Variants in ANKRD50 observed in about 807,000 individuals in gnomAD.
The protein encoded by ANKRD50 is ankyrin repeat domain-containing protein 50.
A neutral mutation model predicts 112.0 loss-of-function variants in ANKRD50; 40 were observed. The ratio of observed to expected loss-of-function variants is 0.36; its 90% CI spans 0.28 to 0.46. ANKRD50 has a LOEUF of 0.46. Ranked by LOEUF, ANKRD50 falls within the 20% of genes least tolerant of loss-of-function variation. The pLI is 1.00. For missense variants in ANKRD50, 1,487 were observed against 1,701.7 expected, an observed-to-expected ratio of 0.87 and a Z score of 2.22; for synonymous variants, 613 against 619.1, an observed-to-expected ratio of 0.99 and a Z score of 0.15.
Position 124,710,105 on chromosome 4 carries a change from C to T in ANKRD50, c.407G>A (p.Arg136His), listed in dbSNP as rs753753391. 8.1e-6 allele frequency: 13 copies of T among 1,614,008 alleles called. No homozygotes were observed. The highest frequency in any genetic ancestry group is 6.7e-5 in the African/African-American group (5 of 74,892). The change falls in exon 2 of 5, where the codon CGC (arginine) becomes CAC (histidine). Residue 136 changes from arginine to histidine, a missense_variant. This residue lies in a region of ANKRD50 where 1,046 missense variants were observed against 1,269.5 expected (regional missense o/e 0.82). Transcript: ENST00000504087. ...CTCATATCCTTGGAGTAGTCCACTG[C>T]GGCAGATCTGGGCTACTAGACCTCT... ...FIRGLVAQIC[R>H]SGLLQGYEDK...
intron 2 of ANKRD50, among the ~76,000 whole-genome samples, chr4:124,698,748 T>C (rs1249521693): frequency 6.6e-6 from 1 of 152,188 alleles, no homozygotes; most frequent in Non-Finnish European, 1.5e-5. Context: ...GCACAAACCA[T>C]CCAATTGGGA....
chr4:124,699,141 T>G (rs1429101739), intron 2 of ANKRD50, among the ~76,000 whole-genome samples: 5 of 152,024 alleles, frequency 3.3e-5, no homozygotes, highest in Non-Finnish European at 7.4e-5. Flanking sequence ...GGGTCATCTA[T>G]GGAGTGTGTG....
intron 2 of ANKRD50, among the ~76,000 whole-genome samples, chr4:124,681,751 A>AT (rs1724892036): frequency 1.3e-5 from 2 of 152,090 alleles, no homozygotes; most frequent in Non-Finnish European, 2.9e-5. Context: ...AATTGAAGTC[A>AT]TTTTCCATAC....
intron 2 of ANKRD50, among the ~76,000 whole-genome samples, chr4:124,704,396 T>G (rs1419843609): frequency 2.0e-5 from 3 of 152,210 alleles, no homozygotes; most frequent in Non-Finnish European, 4.4e-5. Flanking sequence ...CTTTGTTGAG[T>G]GCCAAAAATC....
chr4:124,664,248 G>A lies in ANKRD50; in HGVS notation c.*3270C>T, dbSNP rs959155581. 1 of 151,898 alleles carries A rather than the reference G, an allele frequency of 6.6e-6. No individual in the cohort carries two copies. The highest frequency in any genetic ancestry group is 1.9e-4 in the East Asian group (1 of 5,150). The allele number at this position is 151,898 out of a possible 1,614,324, so 9.4% of individuals were successfully genotyped here. On this transcript the variant is annotated 3_prime_UTR_variant, in exon 5 of 5. Transcript: ENST00000504087. The stretch of plus-strand genomic sequence containing the variant: ...TGATATAGTATATAATCAGTCACGG[G>A]GGGGAAAAGAACATTAAGTCTTTAA...
chr4:124,698,725 T>G (rs1256260846), intron 2 of ANKRD50, among the ~76,000 whole-genome samples: 1 of 152,192 alleles, frequency 6.6e-6, no homozygotes, highest in Non-Finnish European at 1.5e-5. Context: ...TGAGGTATTG[T>G]AAGAGACTGA....
Position 124,669,966 on chromosome 4 carries a change from C to G in ANKRD50, c.3311G>C (p.Ser1104Thr). The change falls in exon 4 of 5, where the codon AGT becomes ACT. Residue 1104 changes from serine (S) to threonine (T), a missense_variant. This residue lies in a region of ANKRD50 where 441 missense variants were observed against 432.2 expected (regional missense o/e 1.02). Transcript: ENST00000504087. Reference sequence around the variant, plus strand: ...AGGAGATGGGGAACAGCCATTCAAACTAGATGCACCATATTTTTCTAATAA... The same window carrying G: ...AGGAGATGGGGAACAGCCATTCAAAGTAGATGCACCATATTTTTCTAATAA... ...IKLLEKYGAS[S>T]LNGCSPSPVH... 1 of 1,611,590 alleles carries G rather than the reference C, an allele frequency of 6.2e-7. No individual in the cohort carries two copies. The highest frequency in any genetic ancestry group is 1.3e-5 in the African/African-American group (1 of 74,776).
At chr4:124,674,169 T>C (rs1177309832) in intron 3 of ANKRD50, among the ~76,000 whole-genome samples, 1 of 151,954 alleles carries the variant, frequency 6.6e-6, no homozygotes, top group Non-Finnish European at 1.5e-5. Flanking sequence ...ATAAGTTACT[T>C]AAGAAATAAT....
rs1294117309 is a variant in ANKRD50 at position 124,676,329 on chromosome 4, C to T, written c.742+2347G>A. Reference sequence around the variant, plus strand: ...AATATGCTATTACAACCTAGAGGAGCACAGGTAAAAATATATAATTTAAAA... The same window carrying T: ...AATATGCTATTACAACCTAGAGGAGTACAGGTAAAAATATATAATTTAAAA... On this transcript the variant is annotated intron_variant, in intron 3 of 4. Transcript: ENST00000504087. Among the ~76,000 whole-genome samples, 7 of 151,248 alleles carry T rather than the reference C, an allele frequency of 4.6e-5. No individual in the cohort carries two copies. The East Asian group carries it at 1.4e-3, about 29-fold the overall frequency.
Position 124,670,254 on chromosome 4 carries a change from G to A in ANKRD50, c.3023C>T (p.Ala1008Val), listed in dbSNP as rs1372545851. 1 of 1,613,776 alleles carries A rather than the reference G, an allele frequency of 6.2e-7. No individual in the cohort carries two copies. Among genetic ancestry groups the A allele is most frequent in the East Asian group, 2.2e-5 (1 of 44,876 alleles). Residue 1008 changes from alanine (A) to valine (V), a missense_variant, in exon 4 of 5, where the codon GCA (alanine) becomes GTA (valine). Physicochemically the swap from Ala to Val is moderately conservative, Grantham distance 64. Around this residue, in one of 2 missense-constraint regions of ANKRD50, gnomAD observed 1,046 missense variants for 1,269.5 expected, o/e 0.82. Transcript: ENST00000504087. ...LIAYHADVNA[A>V]DNEKRSALQS... ...CAAAGCAGAGCGCTTTTCATTGTCT[G>A]CAGCATTGACGTCAGCATGGTATGC...
intron 2 of ANKRD50, among the ~76,000 whole-genome samples, chr4:124,707,075 G>T (rs1312560420): frequency 6.6e-6 from 1 of 151,908 alleles, no homozygotes; most frequent in Non-Finnish European, 1.5e-5. Context: ...AAATTTAAAG[G>T]TTAAAAAGTA....
At chr4:124,706,481 C>T (rs1725505307) in intron 2 of ANKRD50, among the ~76,000 whole-genome samples, 1 of 152,100 alleles carries the variant, frequency 6.6e-6, no homozygotes, top group African/African-American at 2.4e-5. Flanking sequence ...ATCACGTATT[C>T]TATCTACTAT....
chr4:124,665,595 T>C lies in ANKRD50; in HGVS notation c.*1923A>G, dbSNP rs893275675. The C allele has an allele frequency of 2.0e-5, 3 of 152,404 alleles. No individual in the cohort carries two copies. Among genetic ancestry groups the C allele is most frequent in the Non-Finnish European group, 4.4e-5 (3 of 67,874 alleles). 9.4% of individuals were successfully genotyped at this position (152,404 alleles called of 1,614,324 possible). On this transcript the variant is annotated 3_prime_UTR_variant, in exon 5 of 5. Coordinates refer to ENST00000504087, the MANE Select transcript of ANKRD50 (RefSeq NM_020337.3). ...ATATGAGTAAAGTTGGTTCTAATAA[T>C]AGTATGTGTTCATATTTATTAATAG...
At chr4:124,668,876 T>G (rs904106302) in intron 4 of ANKRD50, 108 bp downstream of exon 4, 1 of 1,024,686 alleles carries the variant, frequency 9.8e-7, no homozygotes, top group African/African-American at 1.6e-5. Flanking sequence ...AGATGACATC[T>G]GAGTAGAGAT....
chr4:124,685,209 CTA>C (rs1724978999), intron 2 of ANKRD50, among the ~76,000 whole-genome samples: 2 of 152,178 alleles, frequency 1.3e-5, no homozygotes, highest in Admixed American at 6.5e-5. Context: ...AGGGCAGGAA[CTA>C]TGCCTATCTT....
chr4:124,695,458 CAT>C lies in ANKRD50; in HGVS notation c.512+14540_512+14541del, dbSNP rs1474685019. Among the ~76,000 whole-genome samples, 9 of 152,172 alleles carry C rather than the reference CAT, an allele frequency of 5.9e-5. No homozygotes were observed. The East Asian group carries it at 9.7e-4, about 16-fold the overall frequency. ...TATATTCCTCTAAGCAAAGTGCAAACATGTGGTGTCCTGAACACGAGGCTGAA... is the reference window on the plus strand; with the variant it reads ...TATATTCCTCTAAGCAAAGTGCAAACGTGGTGTCCTGAACACGAGGCTGAA... On this transcript the variant is annotated intron_variant, in intron 2 of 4. Transcript: ENST00000504087.
chr4:124,684,467 TG>T (rs1401638070), intron 2 of ANKRD50, among the ~76,000 whole-genome samples: 10 of 152,308 alleles, frequency 6.6e-5, no homozygotes. Context: ...ACCTTCCTCC[TG>T]CACATACATG....
rs1330245545 is a variant in ANKRD50 at position 124,678,801 on chromosome 4, G to A, written c.617C>T (p.Thr206Met). 5.6e-6 allele frequency: 9 copies of A among 1,613,790 alleles called. No homozygotes were observed. In the East Asian group the frequency reaches 6.7e-5, roughly 12 times the overall value. The part of the protein sequence containing the change: ...EGCNITEGEQ[T>M]STSLSGTVAA... ...AACAGTCCCAGATAAGCTGGTAGAC[G>A]TTTGTTCACCTTCAGTAATGTTACA... The change falls in exon 3 of 5, where the codon ACG becomes ATG. Residue 206 changes from threonine (T) to methionine (M), a missense_variant. Around this residue, in one of 2 missense-constraint regions of ANKRD50, gnomAD observed 1,046 missense variants for 1,269.5 expected, o/e 0.82. Coordinates refer to ENST00000504087, the MANE Select transcript of ANKRD50 (RefSeq NM_020337.3).
intron 2 of ANKRD50, among the ~76,000 whole-genome samples, chr4:124,701,505 A>T (rs1725389812): frequency 1.3e-5 from 2 of 152,222 alleles, no homozygotes; most frequent in South Asian, 4.1e-4. Flanking sequence ...TTTATCATTA[A>T]AGACTATACT....
Sources: gnomAD v4.1 joint callset for allele counts (sites outside exome capture counted in the v4.1 genomes callset) on GRCh38, gnomAD v4.1.1 for gene constraint, gnomAD v4.1.1 regional missense constraint, MANE v1.5 for transcripts, NCBI Gene and HGNC (gene_info 2026-07-23, HGNC 2026-07-21) for gene names.